The following POC5 variants were observed in gnomAD, a reference collection of about 807,000 sequenced individuals.
POC5 encodes the protein POC5 centriolar protein.
POC5 carries 48 observed loss-of-function variants against 62.9 expected under a neutral mutation model. The observed-to-expected ratio is 0.76, with a 90% confidence interval of 0.61 to 0.97. The LOEUF (loss-of-function observed/expected upper bound fraction) is 0.97, where lower values mean the gene tolerates loss of function less well. Among genes scored for constraint, POC5 ranks in the 50% least tolerant of loss-of-function variants. The pLI is 0.00. For synonymous variants in POC5, 236 were observed against 228.2 expected (o/e 1.03, Z -0.31); for missense variants, 696 against 679.5 (o/e 1.02, Z -0.27).
At chr5:75,688,922 G>A in intron 9 of POC5, 90 bp downstream of exon 9, 2 of 1,231,954 alleles carry the variant, frequency 1.6e-6, no homozygotes, top group Non-Finnish European at 2.1e-6. Flanking sequence ...ACCTACTGCA[G>A]ATTATTTGTA....
At chr5:75,680,805 G>T (rs1179602811) in intron 10 of POC5, among the ~76,000 whole-genome samples, 1 of 151,970 alleles carries the variant, frequency 6.6e-6, no homozygotes, top group Non-Finnish European at 1.5e-5. Flanking sequence ...AAAATATATT[G>T]GGTGTGGTTT....
At position 75,705,692 on chromosome 5, in the gene POC5, GA is replaced by G. The variant is rs759417962; in HGVS notation, c.307+11del. 26 of 1,482,952 alleles carry G rather than the reference GA, an allele frequency of 1.8e-5. No homozygotes were observed. The highest frequency in any genetic ancestry group is 2.3e-5 in the Non-Finnish European group (25 of 1,108,658). The allele number at this position is 1,482,952 out of a possible 1,614,324, so 91.9% of individuals were successfully genotyped here. A position where few individuals can be genotyped will look rare whatever the true frequency, so the allele number is the denominator to read the frequency against. On this transcript the variant is annotated intron_variant, in intron 4 of 11. Transcript: ENST00000428202. Reference sequence around the variant, plus strand: ...TGTATATTAATACAAATAAGCTAAAGAAAAATCATACCATCTGTCTTTGAAT... The same window carrying G: ...TGTATATTAATACAAATAAGCTAAAGAAAATCATACCATCTGTCTTTGAAT...
chr5:75,696,931 G>C (rs984361503), intron 5 of POC5, among the ~76,000 whole-genome samples: 2 of 151,850 alleles, frequency 1.3e-5, no homozygotes, highest in African/African-American at 4.8e-5. Flanking sequence ...GAGCTGATGC[G>C]ATCAACTGGA....
At chr5:75,702,536 G>A (rs1776931282) in intron 5 of POC5, 69 bp downstream of exon 5, 2 of 1,423,986 alleles carry the variant, frequency 1.4e-6, no homozygotes, top group East Asian at 2.4e-5. Flanking sequence ...AAACAAAACA[G>A]TATAAATGAG....
Position 75,685,341 on chromosome 5 carries a change from C to T in POC5, c.1273G>A (p.Gly425Arg), listed in dbSNP as rs1431220354. 14 of 1,613,902 alleles carry T rather than the reference C, an allele frequency of 8.7e-6. No homozygotes were observed. The highest frequency in any genetic ancestry group is 1.3e-5 in the African/African-American group (1 of 74,928). The change falls in exon 10 of 12, where the codon GGA (glycine) becomes AGA (arginine). Residue 425 changes from glycine to arginine, a missense_variant. By Grantham distance (125) the Gly-to-Arg change is moderately radical (BLOSUM62 -2). Transcript: ENST00000428202. ...PLLPSPPAAV[G>R]GASATAVPSA... ...GGAACGGCAGTCGCGCTGGCTCCTC[C>T]GACGGCGGCTGGTGGGGATGGCAGC...
At chr5:75,684,460 G>T (rs1474895916) in intron 10 of POC5, among the ~76,000 whole-genome samples, 3 of 151,358 alleles carry the variant, frequency 2.0e-5, no homozygotes, top group Admixed American at 6.6e-5. Flanking sequence ...CGCCTCCGGG[G>T]TTCAAGCAAT....
At chr5:75,717,028 C>T (rs2112231200) in intron 1 of POC5, among the ~76,000 whole-genome samples, 1 of 152,354 alleles carries the variant, frequency 6.6e-6, no homozygotes, top group South Asian at 2.1e-4. Flanking sequence ...TACTTAAGCA[C>T]AACAGAGCTT....
intron 10 of POC5, among the ~76,000 whole-genome samples, chr5:75,682,515 TTC>T (rs1226518280): frequency 1.5e-4 from 11 of 73,560 alleles, no homozygotes; most frequent in Admixed American, 7.2e-4. Flanking sequence ...TTTTATTTCT[TTC>T]TTTTTTTTTT....
chr5:75,690,402 T>A lies in POC5; in HGVS notation c.956A>T (p.Tyr319Phe). 1 of 1,610,438 alleles carries A rather than the reference T, an allele frequency of 6.2e-7. No homozygotes were observed. Among genetic ancestry groups the A allele is most frequent in the Non-Finnish European group, 8.5e-7 (1 of 1,178,542 alleles). The stretch of plus-strand genomic sequence containing the variant: ...GCTTACCATAGCAACTTTGGCTTCA[T>A]AATCATTGGAAATCTGGATACAAAC... ...EEVCIQISND[Y>F]EAKVAMLSGA... Residue 319 changes from tyrosine (Y) to phenylalanine (F), a missense_variant, in exon 8 of 12, where the codon TAT (tyrosine) becomes TTT (phenylalanine). Transcript: ENST00000428202.
chr5:75,705,470 T>C (rs1777077318), intron 4 of POC5: 1 of 300,062 alleles, frequency 3.3e-6, no homozygotes, highest in African/African-American at 2.2e-5. Flanking sequence ...CCCTCTAACT[T>C]AGCAATTTTA....
chr5:75,688,029 C>T (rs1371749832), intron 9 of POC5, among the ~76,000 whole-genome samples: 3 of 152,114 alleles, frequency 2.0e-5, no homozygotes, highest in Admixed American at 2.0e-4. Context: ...AAATATGGCC[C>T]ACAAACCACA....
chr5:75,710,418 G>T (rs188015190), intron 2 of POC5, among the ~76,000 whole-genome samples: 4 of 152,276 alleles, frequency 2.6e-5, no homozygotes, highest in Admixed American at 6.5e-5. Flanking sequence ...TGGAGATGAG[G>T]CCTTCAAGAA....
At position 75,699,419 on chromosome 5, in the gene POC5, C is replaced by A. The variant is rs193030396; in HGVS notation, c.513+3186G>T. Among the ~76,000 whole-genome samples, 1,010 of 152,062 alleles carry A rather than the reference C, an allele frequency of 6.6e-3. 12 individuals carry two copies. Among genetic ancestry groups the A allele is most frequent in the African/African-American group, 0.023 (958 of 41,448 alleles). On this transcript the variant is annotated intron_variant, in intron 5 of 11. Coordinates refer to ENST00000428202, the MANE Select transcript of POC5 (RefSeq NM_001099271.2). ...GGATGCAAGGCTGGTTCAATATACA[C>A]AAATCAATAATGTAATCCAGCATAT... is the stretch of plus-strand genomic sequence containing the variant.
intron 11 of POC5, among the ~76,000 whole-genome samples, chr5:75,677,104 G>C (rs939118413): frequency 2.6e-5 from 4 of 152,048 alleles, no homozygotes; most frequent in Non-Finnish European, 5.9e-5. Flanking sequence ...ATAACCCAAG[G>C]AGCTAACTAT....
intron 10 of POC5, 105 bp from the exon 11 acceptor site, chr5:75,678,055 TG>T: frequency 1.1e-6 from 1 of 903,078 alleles, no homozygotes; most frequent in Non-Finnish European, 1.5e-6. Flanking sequence ...TTAAAATAAC[TG>T]TATGTTCAAC....
intron 5 of POC5, among the ~76,000 whole-genome samples, chr5:75,696,692 G>A (rs1161625241): frequency 5.3e-5 from 8 of 152,196 alleles, no homozygotes; most frequent in East Asian, 1.9e-4. Context: ...CACCAGCAAC[G>A]GAACAAAGCT....
At chr5:75,692,581 T>C (rs1459873219) in intron 6 of POC5, 81 bp from the exon 7 acceptor site, 1 of 961,392 alleles carries the variant, frequency 1.0e-6, no homozygotes, top group Non-Finnish European at 1.5e-6. Context: ...TATCAAAAAA[T>C]GCTAGAGAGG....
At chr5:75,693,000 T>C (rs1776404250) in intron 6 of POC5, among the ~76,000 whole-genome samples, 1 of 147,544 alleles carries the variant, frequency 6.8e-6, no homozygotes, top group African/African-American at 2.5e-5. Context: ...TATGTAACTA[T>C]TAATATGTTA....
chr5:75,694,754 T>C lies in POC5; in HGVS notation c.591A>G (p.Lys197=). 1 of 1,590,598 alleles carries C rather than the reference T, an allele frequency of 6.3e-7. No homozygotes were observed. Among genetic ancestry groups the C allele is most frequent in the Non-Finnish European group, 8.6e-7 (1 of 1,159,982 alleles). The change falls in exon 6 of 12, where the codon AAA becomes AAG. Residue 197 remains lysine (K), a synonymous_variant. Coordinates refer to ENST00000428202, the MANE Select transcript of POC5 (RefSeq NM_001099271.2). The part of the protein sequence containing the change: ...DWHRMEMRKE[K]EKHAAHLKQL... ...GTTTTAAATGTGCTGCATGTTTTTC[T>C]TTCTCTTTTCTCATTTCCATTCGGT...
Sources: gnomAD v4.1 joint callset for allele counts (sites outside exome capture counted in the v4.1 genomes callset) on GRCh38, gnomAD v4.1.1 for gene constraint, MANE v1.5 for transcripts, NCBI Gene and HGNC (gene_info 2026-07-23, HGNC 2026-07-21) for gene names.